Variants in IPCEF1 observed in about 807,000 individuals in gnomAD.
IPCEF1 encodes the protein interaction protein for cytohesin exchange factors 1, also known as interactor protein for cytohesin exchange factors 1.
In IPCEF1, 31 loss-of-function variants were observed where a neutral mutation model predicts 50.9. That is an observed-to-expected ratio of 0.61 (90% CI 0.46 to 0.82). The LOEUF (loss-of-function observed/expected upper bound fraction) is 0.82. Among genes scored for constraint, IPCEF1 ranks in the 40% least tolerant of loss-of-function variants. The probability of loss-of-function intolerance (pLI) is 0.00; values close to 1 mark genes in which losing one functional copy is unlikely to be tolerated. For synonymous variants in IPCEF1, 181 were observed against 192.0 expected, an observed-to-expected ratio of 0.94 and a Z score of 0.47; for missense variants, 458 against 514.0, an observed-to-expected ratio of 0.89 and a Z score of 1.05.
chr6:154,351,243 G>T (rs1330347508), intron 1 of IPCEF1, among the ~76,000 whole-genome samples: 1 of 152,222 alleles, frequency 6.6e-6, no homozygotes, highest in Non-Finnish European at 1.5e-5. Context: ...TTTAAAATTA[G>T]ATTGGGTATT....
chr6:154,192,084 AG>A (rs1801940840), intron 10 of IPCEF1, among the ~76,000 whole-genome samples: 1 of 152,234 alleles, frequency 6.6e-6, no homozygotes, highest in African/African-American at 2.4e-5. Flanking sequence ...GATATTACAA[AG>A]GGTTTCTGCA....
intron 1 of IPCEF1, among the ~76,000 whole-genome samples, chr6:154,340,755 C>T (rs1783895069): frequency 6.6e-6 from 1 of 151,694 alleles, no homozygotes; most frequent in Admixed American, 6.6e-5. Flanking sequence ...CGTGGTGGCA[C>T]ATACCTGTAA....
chr6:154,333,258 A>G (rs1349482477), intron 1 of IPCEF1, among the ~76,000 whole-genome samples: 1 of 151,670 alleles, frequency 6.6e-6, no homozygotes, highest in African/African-American at 2.4e-5. Context: ...GCCAAAGGAG[A>G]TTAACAATTG....
chr6:154,273,856 G>A (rs559683550), intron 2 of IPCEF1, among the ~76,000 whole-genome samples: 2 of 145,382 alleles, frequency 1.4e-5, no homozygotes, highest in Non-Finnish European at 3.0e-5. Flanking sequence ...CGGGTTCACG[G>A]CATTCTCCTG....
chr6:154,287,111 A>G (rs1342395979), intron 2 of IPCEF1, among the ~76,000 whole-genome samples: 1 of 152,018 alleles, frequency 6.6e-6, no homozygotes, highest in East Asian at 1.9e-4. Context: ...AAATTAAAAA[A>G]TAAAAATAAA....
intron 1 of IPCEF1, among the ~76,000 whole-genome samples, chr6:154,338,105 T>G (rs1203354411): frequency 6.6e-6 from 1 of 152,238 alleles, no homozygotes; most frequent in Non-Finnish European, 1.5e-5. Context: ...TTGTCTCTGT[T>G]GATTTATCAT....
chr6:154,186,695 T>G (rs1027513943), intron 10 of IPCEF1, among the ~76,000 whole-genome samples: 1 of 152,106 alleles, frequency 6.6e-6, no homozygotes, highest in Non-Finnish European at 1.5e-5. Flanking sequence ...TAGCTGGGAC[T>G]ACAGGCGCCC....
At chr6:154,187,036 T>C (rs1228733464) in intron 10 of IPCEF1, among the ~76,000 whole-genome samples, 1 of 151,970 alleles carries the variant, frequency 6.6e-6, no homozygotes, top group Non-Finnish European at 1.5e-5. Context: ...CGCCCTCCAC[T>C]CTACACACTC....
intron 10 of IPCEF1, among the ~76,000 whole-genome samples, chr6:154,197,685 G>A (rs1456733649): frequency 1.3e-5 from 2 of 152,166 alleles, no homozygotes; most frequent in African/African-American, 4.8e-5. Context: ...ATTTAGCCAG[G>A]AACAAGGACT....
chr6:154,326,290 C>A (rs1783517834), intron 1 of IPCEF1, among the ~76,000 whole-genome samples: 1 of 151,742 alleles, frequency 6.6e-6, no homozygotes, highest in Non-Finnish European at 1.5e-5. Context: ...CACATTTTGG[C>A]AGATGACATA....
At chr6:154,247,597 A>T (rs1360327919) in intron 3 of IPCEF1, 109 bp from the exon 4 acceptor site, 5 of 793,862 alleles carry the variant, frequency 6.3e-6, no homozygotes, top group Admixed American at 2.4e-5. Context: ...GATGGAATCT[A>T]AAAAAAAACT....
chr6:154,221,129 T>C, intron 7 of IPCEF1, 128 bp downstream of exon 7: 1 of 698,892 alleles, frequency 1.4e-6, no homozygotes, highest in Non-Finnish European at 2.3e-6. Context: ...AACTGCTAAA[T>C]AAATTAATCC....
chr6:154,268,157 T>C (rs1414443281), intron 2 of IPCEF1, among the ~76,000 whole-genome samples: 3 of 152,162 alleles, frequency 2.0e-5, no homozygotes, highest in Non-Finnish European at 4.4e-5. Flanking sequence ...GTGGGGACTT[T>C]GCTCCCATCA....
At chr6:154,258,727 T>C (rs57218721) in intron 3 of IPCEF1, among the ~76,000 whole-genome samples, 17,435 of 152,186 alleles carry the variant, frequency 0.11, 2,025 homozygotes, top group East Asian at 0.67. Flanking sequence ...ATCTCATTCC[T>C]GGACTCCCCG....
rs573463158 is a variant in IPCEF1 at position 154,276,052 on chromosome 6, C to T, written c.-17-10088G>A. On this transcript the variant is annotated intron_variant, in intron 2 of 11. Transcript: ENST00000367220. ...AAAAAAATTTAGCTGGCCATGGTGGCAGGTGCCTGTAATCCCAGCTACCCG... is the reference window on the plus strand; with the variant it reads ...AAAAAAATTTAGCTGGCCATGGTGGTAGGTGCCTGTAATCCCAGCTACCCG... 2.4e-4 allele frequency among the ~76,000 whole-genome samples: 36 copies of T among 152,154 alleles called. No individual in the cohort carries two copies. The Middle Eastern group carries it at 0.01, about 43-fold the overall frequency.
chr6:154,257,475 T>C (rs555296572), intron 3 of IPCEF1, among the ~76,000 whole-genome samples: 4 of 152,288 alleles, frequency 2.6e-5, no homozygotes, highest in African/African-American at 9.6e-5. Flanking sequence ...TGAGCCTAAC[T>C]ATCATTTTTG....
intron 5 of IPCEF1, among the ~76,000 whole-genome samples, chr6:154,230,384 T>TA (rs1371029658): frequency 2.0e-5 from 3 of 152,174 alleles, no homozygotes; most frequent in East Asian, 1.9e-4. Flanking sequence ...AAAACTGCTC[T>TA]AAAAAAATTA....
chr6:154,228,731 T>C (rs1779468267), intron 5 of IPCEF1, among the ~76,000 whole-genome samples: 1 of 151,794 alleles, frequency 6.6e-6, no homozygotes, highest in African/African-American at 2.4e-5. Context: ...CTTTAAACAC[T>C]CTGCTCTTGG....
intron 5 of IPCEF1, among the ~76,000 whole-genome samples, chr6:154,240,759 C>T (rs923591417): frequency 2.6e-5 from 4 of 152,182 alleles, no homozygotes; most frequent in Non-Finnish European, 5.9e-5. Flanking sequence ...TGGAACACAT[C>T]TCATGCAGAC....
Sources: gnomAD v4.1 joint callset for allele counts (sites outside exome capture counted in the v4.1 genomes callset) on GRCh38, gnomAD v4.1.1 for gene constraint, MANE v1.5 for transcripts, NCBI Gene and HGNC (gene_info 2026-07-23, HGNC 2026-07-21) for gene names.